The following SIPA1L3 variants were observed in gnomAD, a reference collection of about 807,000 sequenced individuals.
SIPA1L3 encodes signal-induced proliferation-associated 1-like protein 3.
In SIPA1L3, 59 loss-of-function variants were observed where a neutral mutation model predicts 150.1. The ratio of observed to expected loss-of-function variants is 0.39; its 90% CI spans 0.32 to 0.49. The LOEUF is 0.49. Ranked by LOEUF, SIPA1L3 falls within the 20% of genes least tolerant of loss-of-function variation. The pLI, the probability that SIPA1L3 is intolerant of heterozygous loss-of-function variation, is 0.86. For synonymous variants in SIPA1L3, 1,070 were observed against 1,077.6 expected, an observed-to-expected ratio of 0.99 and a Z score of 0.14; for missense variants, 2,211 against 2,489.5, an observed-to-expected ratio of 0.89 and a Z score of 2.38.
chr19:38,171,152 T>C (rs933104438), intron 15 of SIPA1L3, among the ~76,000 whole-genome samples: 2 of 152,040 alleles, frequency 1.3e-5, no homozygotes, highest in Non-Finnish European at 2.9e-5. Context: ...GTGGAGAAAG[T>C]ATGTCTATGA....
At chr19:38,031,157 T>C (rs1968646263) in intron 2 of SIPA1L3, among the ~76,000 whole-genome samples, 1 of 152,182 alleles carries the variant, frequency 6.6e-6, no homozygotes, top group South Asian at 2.1e-4. Context: ...TTTAGAGTTA[T>C]AAAAAAGTTG....
chr19:38,161,781 C>T (rs1972094451), intron 13 of SIPA1L3, among the ~76,000 whole-genome samples: 1 of 151,876 alleles, frequency 6.6e-6, no homozygotes, highest in Non-Finnish European at 1.5e-5. Flanking sequence ...GGCATGGTGG[C>T]TCACGCCTAT....
chr19:38,018,707 T>C (rs886611255), intron 1 of SIPA1L3, among the ~76,000 whole-genome samples: 1 of 152,220 alleles, frequency 6.6e-6, no homozygotes, highest in Non-Finnish European at 1.5e-5. Context: ...CATAGCTTCC[T>C]TCTGCTTTTT....
chr19:38,044,611 G>A (rs116731757), intron 2 of SIPA1L3, among the ~76,000 whole-genome samples: 193 of 152,324 alleles, frequency 1.3e-3, no homozygotes, highest in African/African-American at 4.4e-3. Flanking sequence ...GTGACTACAC[G>A]TGTTGTTTGT....
At chr19:38,017,097 A>G (rs372156042) in intron 1 of SIPA1L3, among the ~76,000 whole-genome samples, 26 of 151,202 alleles carry the variant, frequency 1.7e-4, no homozygotes, top group African/African-American at 6.1e-4. Flanking sequence ...GGGTTTCACC[A>G]TGTTGGCCAG....
At position 38,099,994 on chromosome 19, in the gene SIPA1L3, T is replaced by C. The variant is rs1419552063; in HGVS notation, c.1698T>C (p.Asp566=). 2 of 1,609,876 alleles carry C rather than the reference T, an allele frequency of 1.2e-6. No individual in the cohort carries two copies. Among genetic ancestry groups the C allele is most frequent in the Non-Finnish European group, 8.5e-7 (1 of 1,178,562 alleles). ...LITLRGSILE[D]ATPTATKHGT... is the part of the protein sequence containing the mutation. ...CCCTGCGGGGCTCCATCCTGGAAGA[T>C]GCTACGCCCACAGCCACCAAGCATG... Residue 566 remains aspartate (D), a synonymous_variant, in exon 5 of 22, where the codon GAT becomes GAC. Transcript: ENST00000222345.
chr19:38,190,901 C>T (rs1011874125), intron 16 of SIPA1L3, among the ~76,000 whole-genome samples: 2 of 152,178 alleles, frequency 1.3e-5, no homozygotes, highest in Non-Finnish European at 2.9e-5. Flanking sequence ...CCACACCATA[C>T]GTGTTTCCTG....
chr19:38,013,133 G>A lies in SIPA1L3; in HGVS notation c.-378-15956G>A, dbSNP rs1968144690. On this transcript the variant is annotated intron_variant, in intron 1 of 21. Coordinates refer to ENST00000222345, the MANE Select transcript of SIPA1L3 (RefSeq NM_015073.3). Reference sequence around the variant, plus strand: ...GAGCTCCCGTTGCCTCCTGCTCCGAGTTTCTCTCTGGCGCTGCTAGCAGGT... The same window carrying A: ...GAGCTCCCGTTGCCTCCTGCTCCGAATTTCTCTCTGGCGCTGCTAGCAGGT... 2.0e-5 allele frequency among the ~76,000 whole-genome samples: 3 copies of A among 152,312 alleles called. No homozygotes were observed. The Middle Eastern group carries it at 0.01, about 518-fold the overall frequency.
At chr19:38,162,407 C>G (rs1460507077) in intron 14 of SIPA1L3, 36 bp downstream of exon 14, 2 of 1,513,850 alleles carry the variant, frequency 1.3e-6, no homozygotes, top group East Asian at 2.3e-5. Flanking sequence ...ACCGGGGGAG[C>G]CAGGCCTGCC....
rs775909000 is a variant in SIPA1L3 at position 38,082,133 on chromosome 19, G to T, written c.568G>T (p.Ala190Ser). ...GGAGGACGCGGGGGAGCCGCGGGGGGCCCGGCACACGGGGGCGCTGCCCCT... is the reference window on the plus strand; with the variant it reads ...GGAGGACGCGGGGGAGCCGCGGGGGTCCCGGCACACGGGGGCGCTGCCCCT... ...DAEDAGEPRGARHTGALPLFR... is the reference protein window; with the variant it reads ...DAEDAGEPRGSRHTGALPLFR... The change falls in exon 3 of 22, where the codon GCC becomes TCC. Residue 190 changes from alanine to serine, a missense_variant. Transcript: ENST00000222345. 9.3e-6 allele frequency: 15 copies of T among 1,606,132 alleles called. No homozygotes were observed. In the African/African-American group the frequency reaches 9.3e-5, roughly 10 times the overall value.
At chr19:38,070,191 C>CCTATCTATCTATCTATCTATCTAT (rs10546386) in intron 2 of SIPA1L3, among the ~76,000 whole-genome samples, 1,540 of 148,838 alleles carry the variant, frequency 0.01, 10 homozygotes, top group African/African-American at 0.024. Flanking sequence ...GATCTTCAGT[C>CCTATCTATCTATCTATCTATCTAT]CTATCTATCT....
chr19:37,978,837 C>T (rs1238637231), intron 1 of SIPA1L3, among the ~76,000 whole-genome samples: 5 of 151,754 alleles, frequency 3.3e-5, no homozygotes, highest in African/African-American at 7.3e-5. Context: ...TAGCTGGGTA[C>T]GGTGGCTCAG....
chr19:38,190,500 G>A (rs1407524894), intron 16 of SIPA1L3, among the ~76,000 whole-genome samples: 1 of 152,124 alleles, frequency 6.6e-6, no homozygotes, highest in Non-Finnish European at 1.5e-5. Flanking sequence ...GAAAAAACCT[G>A]GCCTTGCTCT....
chr19:38,095,068 TCTGTCTCCAAAAA>T (rs1183850653), intron 4 of SIPA1L3, among the ~76,000 whole-genome samples: 4 of 152,148 alleles, frequency 2.6e-5, no homozygotes, highest in Non-Finnish European at 5.9e-5. Flanking sequence ...AGAGCGAAAC[TCTGTCTCCAAAAA>T]CAAAATAAAT....
At chr19:37,996,093 T>G (rs970317013) in intron 1 of SIPA1L3, among the ~76,000 whole-genome samples, 2 of 152,172 alleles carry the variant, frequency 1.3e-5, no homozygotes, top group African/African-American at 4.8e-5. Flanking sequence ...TTTAAATTTT[T>G]GGGGGATGTG....
At chr19:38,058,967 G>A (rs1969389066) in intron 2 of SIPA1L3, among the ~76,000 whole-genome samples, 1 of 150,708 alleles carries the variant, frequency 6.6e-6, no homozygotes, top group African/African-American at 2.4e-5. Context: ...AGAGGTTACA[G>A]TGAGCTGAGA....
chr19:38,133,820 GA>G (rs1971369378), intron 10 of SIPA1L3, among the ~76,000 whole-genome samples: 1 of 152,102 alleles, frequency 6.6e-6, no homozygotes, highest in Admixed American at 6.6e-5. Flanking sequence ...GAAGTTGAAG[GA>G]GATCCAACTT....
chr19:38,108,589 A>G (rs1008112526), intron 7 of SIPA1L3: 7 of 152,240 alleles, frequency 4.6e-5, no homozygotes, highest in Non-Finnish European at 1.0e-4. Flanking sequence ...TCTGGAGTTC[A>G]CACTGTGAGC....
intron 1 of SIPA1L3, among the ~76,000 whole-genome samples, chr19:37,927,145 C>CTTTTTTTTTT (rs34057465): frequency 7.8e-6 from 1 of 128,472 alleles, no homozygotes. Context: ...TTTTCTTTTC[C>CTTTTTTTTTT]TTTTTTTTTT....
Sources: gnomAD v4.1 joint callset for allele counts (sites outside exome capture counted in the v4.1 genomes callset) on GRCh38, gnomAD v4.1.1 for gene constraint, MANE v1.5 for transcripts, NCBI Gene and HGNC (gene_info 2026-07-23, HGNC 2026-07-21) for gene names.